The following CDH18 variants were observed in gnomAD, a reference collection of about 807,000 sequenced individuals.
CDH18 encodes cadherin 18, also known as cadherin-18.
A neutral mutation model predicts 67.9 loss-of-function variants in CDH18; 31 were observed. The ratio of observed to expected loss-of-function variants is 0.46; its 90% confidence interval spans 0.34 to 0.62. CDH18 has a LOEUF of 0.62. Among genes scored for constraint, CDH18 ranks in the 20% least tolerant of loss-of-function variants. The pLI, the probability that CDH18 is intolerant of heterozygous loss-of-function variation, is 0.01. For synonymous variants in CDH18, 362 were observed against 347.2 expected (o/e 1.04, Z -0.48); for missense variants, 890 against 975.5 (o/e 0.91, Z 1.17).
intron 5 of CDH18, among the ~76,000 whole-genome samples, chr5:19,667,749 T>C (rs983131866): frequency 6.6e-6 from 1 of 151,826 alleles, no homozygotes; most frequent in African/African-American, 2.4e-5. Flanking sequence ...TTTTCATATC[T>C]TCATAATGAT....
intron 1 of CDH18, among the ~76,000 whole-genome samples, chr5:20,322,449 G>A (rs1193460068): frequency 6.6e-6 from 1 of 152,094 alleles, no homozygotes; most frequent in African/African-American, 2.4e-5. Context: ...TGAGGAGTGT[G>A]TCAGCCCTGC....
At position 19,565,884 on chromosome 5, in the gene CDH18, T is replaced by C. The variant is rs140618014; in HGVS notation, c.1253+5695A>G. On this transcript the variant is annotated intron_variant, in intron 8 of 12. Coordinates refer to ENST00000382275, the MANE Select transcript of CDH18 (RefSeq NM_004934.5). ...ATAGATAAATGGGATCACATCGAGT[T>C]AAAAAGCTTCTGCACATCAAAGAAA... is the stretch of plus-strand genomic sequence containing the variant. Among the ~76,000 whole-genome samples the C allele has an allele frequency of 2.2e-4, 34 of 152,176 alleles. No individual in the cohort carries two copies. In the East Asian group the frequency reaches 6.4e-3, roughly 29 times the overall value.
chr5:20,377,284 ATTAG>A (rs567764909), intron 1 of CDH18, among the ~76,000 whole-genome samples: 4 of 152,232 alleles, frequency 2.6e-5, no homozygotes, highest in African/African-American at 4.8e-5. Flanking sequence ...AAACCTGCAA[ATTAG>A]TTATTTTGCT....
At chr5:19,774,333 G>A (rs1774046439) in intron 3 of CDH18, among the ~76,000 whole-genome samples, 1 of 151,632 alleles carries the variant, frequency 6.6e-6, no homozygotes, top group Non-Finnish European at 1.5e-5. Flanking sequence ...AGGATAACTT[G>A]AGCCCTAGTG....
chr5:19,978,017 C>T (rs13186572), intron 2 of CDH18, among the ~76,000 whole-genome samples: 54,252 of 151,622 alleles, frequency 0.36, 11,878 homozygotes, highest in Middle Eastern at 0.6. Context: ...CTATTTCCTG[C>T]ACTACAAAAG....
chr5:19,976,458 A>G (rs1798513857), intron 2 of CDH18, among the ~76,000 whole-genome samples: 1 of 152,140 alleles, frequency 6.6e-6, no homozygotes, highest in African/African-American at 2.4e-5. Flanking sequence ...TGACCTTTCA[A>G]CAGTCTCAAA....
At chr5:20,184,972 T>C (rs975582024) in intron 2 of CDH18, among the ~76,000 whole-genome samples, 3 of 152,108 alleles carry the variant, frequency 2.0e-5, no homozygotes, top group Non-Finnish European at 4.4e-5. Context: ...CACCATCATA[T>C]CCAAACTACC....
At chr5:19,866,261 A>C (rs1181039061) in intron 2 of CDH18, among the ~76,000 whole-genome samples, 1 of 152,200 alleles carries the variant, frequency 6.6e-6, no homozygotes. Context: ...AAGAACACAT[A>C]ATCAGTATAA....
intron 1 of CDH18, among the ~76,000 whole-genome samples, chr5:20,471,715 T>C (rs111888825): frequency 0.055 from 8,244 of 149,568 alleles, 753 homozygotes; most frequent in African/African-American, 0.19. Flanking sequence ...GGCAGGAGAA[T>C]AGATTGAACC....
chr5:20,357,381 A>C (rs1741719791), intron 1 of CDH18, among the ~76,000 whole-genome samples: 1 of 152,170 alleles, frequency 6.6e-6, no homozygotes, highest in Non-Finnish European at 1.5e-5. Context: ...ATCAACACAC[A>C]CATAAGCCAA....
At chr5:20,381,928 T>C (rs763100184) in intron 1 of CDH18, among the ~76,000 whole-genome samples, 2 of 152,060 alleles carry the variant, frequency 1.3e-5, no homozygotes, top group Non-Finnish European at 2.9e-5. Flanking sequence ...ACTATAAATA[T>C]AATAATTAAA....
intron 3 of CDH18, among the ~76,000 whole-genome samples, chr5:19,792,589 A>C (rs1301249316): frequency 2.0e-5 from 3 of 152,128 alleles, no homozygotes; most frequent in African/African-American, 7.2e-5. Context: ...CTGTTGATCC[A>C]TATATACTTT....
intron 2 of CDH18, among the ~76,000 whole-genome samples, chr5:19,950,083 GAT>G (rs1795648385): frequency 6.6e-6 from 1 of 150,948 alleles, no homozygotes; most frequent in Non-Finnish European, 1.5e-5. Flanking sequence ...TATCCAATGT[GAT>G]ATATACATAT....
At chr5:20,186,923 A>G (rs1326752019) in intron 2 of CDH18, among the ~76,000 whole-genome samples, 1 of 152,004 alleles carries the variant, frequency 6.6e-6, no homozygotes, top group African/African-American at 2.4e-5. Context: ...ATGGATAAAC[A>G]AAATGTGGTG....
chr5:19,762,617 T>C (rs1286236832), intron 3 of CDH18, among the ~76,000 whole-genome samples: 8 of 151,992 alleles, frequency 5.3e-5, no homozygotes. Context: ...GGAGAGGATG[T>C]GGAGAAATAG....
chr5:20,016,632 C>T (rs1212184109), intron 2 of CDH18, among the ~76,000 whole-genome samples: 2 of 152,058 alleles, frequency 1.3e-5, no homozygotes, highest in Non-Finnish European at 2.9e-5. Flanking sequence ...CTGGTTGAGG[C>T]AGAAGTCATG....
intron 5 of CDH18, among the ~76,000 whole-genome samples, chr5:19,642,611 G>A (rs1754172832): frequency 6.6e-6 from 1 of 151,846 alleles, no homozygotes. Context: ...TGGGAAAACT[G>A]GACATTCCAT....
chr5:19,487,869 A>G lies in CDH18; in HGVS notation c.1631-4317T>C, dbSNP rs73760029. 5.0e-3 allele frequency among the ~76,000 whole-genome samples: 767 copies of G among 152,290 alleles called. 6 individuals are homozygous for G. The highest frequency in any genetic ancestry group is 0.017 in the African/African-American group (714 of 41,578). On this transcript the variant is annotated intron_variant, in intron 11 of 12. Transcript: ENST00000382275. ...ATTTGAAAAGCAATCATAATAATAA[A>G]TATAATTTATCCATCTTTCTAGCAA... is the stretch of plus-strand genomic sequence containing the variant.
intron 2 of CDH18, among the ~76,000 whole-genome samples, chr5:19,873,544 T>G (rs905314066): frequency 6.6e-6 from 1 of 152,152 alleles, no homozygotes; most frequent in Non-Finnish European, 1.5e-5. Flanking sequence ...CATTCCCTAG[T>G]AGTTGATAAA....
Sources: allele counts gnomAD v4.1 joint callset (sites outside exome capture counted in the v4.1 genomes callset), GRCh38; gene constraint gnomAD v4.1.1; transcripts MANE v1.5; gene names NCBI Gene and HGNC (gene_info 2026-07-23, HGNC 2026-07-21).